ARHGAP10: variants seen among roughly 807,000 people sequenced by gnomAD.
The protein encoded by ARHGAP10 is Rho GTPase activating protein 10.
In ARHGAP10, 87 loss-of-function variants were observed where a neutral mutation model predicts 108.6. The ratio of observed to expected loss-of-function variants is 0.80; its 90% CI spans 0.67 to 0.96. ARHGAP10 has a LOEUF of 0.96. Ranked by LOEUF, ARHGAP10 falls within the 40% of genes least tolerant of loss-of-function variation. ARHGAP10 has a pLI of 0.00. For missense variants in ARHGAP10, 939 were observed against 954.5 expected, an observed-to-expected ratio of 0.98 and a Z score of 0.21; for synonymous variants, 347 against 341.1, an observed-to-expected ratio of 1.02 and a Z score of -0.19.
At chr4:147,758,150 C>T (rs1175222696) in intron 1 of ARHGAP10, among the ~76,000 whole-genome samples, 1 of 151,974 alleles carries the variant, frequency 6.6e-6, no homozygotes, top group Non-Finnish European at 1.5e-5. Flanking sequence ...ATAATCCTAG[C>T]TACTTGGGAG....
intron 1 of ARHGAP10, among the ~76,000 whole-genome samples, chr4:147,738,068 A>G (rs1331791269): frequency 6.6e-6 from 1 of 151,582 alleles, no homozygotes; most frequent in African/African-American, 2.4e-5. Flanking sequence ...CTTTTGGATA[A>G]AGAATACAGA....
chr4:147,781,681 C>CTTTTTTTTTTTTTTTTTTTTTTTTT (rs56781517), intron 1 of ARHGAP10, among the ~76,000 whole-genome samples: 1 of 130,584 alleles, frequency 7.7e-6, no homozygotes, highest in African/African-American at 2.9e-5. Flanking sequence ...CTTTTCTTTT[C>CTTTTTTTTTTTTTTTTTTTTTTTTT]TTTTTTTTTT....
At position 147,867,715 on chromosome 4, in the gene ARHGAP10, T is replaced by G. The variant is rs566722075; in HGVS notation, c.702+899T>G. 1.1e-4 allele frequency among the ~76,000 whole-genome samples: 17 copies of G among 151,950 alleles called. No homozygotes were observed. In the South Asian group the frequency reaches 3.3e-3, roughly 30 times the overall value. ...CCTGTCTCCACTAAAAATACAAACA[T>G]TAGCTGGGTGTGGTGGAGTGCGCCT... On this transcript the variant is annotated intron_variant, in intron 7 of 22. Transcript: ENST00000336498.
intron 18 of ARHGAP10, among the ~76,000 whole-genome samples, chr4:147,995,594 GA>G (rs1311197426): frequency 3.3e-5 from 5 of 152,194 alleles, no homozygotes; most frequent in Admixed American, 3.3e-4. Flanking sequence ...AGTAAAGACA[GA>G]TTTGTCAGCC....
intron 16 of ARHGAP10, among the ~76,000 whole-genome samples, chr4:147,960,919 T>C (rs1738966634): frequency 6.6e-6 from 1 of 152,244 alleles, no homozygotes; most frequent in Non-Finnish European, 1.5e-5. Context: ...TGCATTCTGT[T>C]TGAAGAAGCC....
At chr4:147,994,913 A>C (rs1234372687) in intron 18 of ARHGAP10, among the ~76,000 whole-genome samples, 4 of 152,368 alleles carry the variant, frequency 2.6e-5, no homozygotes, top group African/African-American at 9.6e-5. Context: ...TGTGCTAATA[A>C]GCACAGAGTA....
intron 20 of ARHGAP10, among the ~76,000 whole-genome samples, chr4:148,057,662 C>T (rs929529626): frequency 2.0e-5 from 3 of 152,244 alleles, no homozygotes; most frequent in Non-Finnish European, 4.4e-5. Flanking sequence ...CAGATGCTGC[C>T]TCCTCCAGGA....
intron 18 of ARHGAP10, among the ~76,000 whole-genome samples, chr4:148,016,770 G>A (rs533444158): frequency 2.1e-4 from 32 of 152,166 alleles, no homozygotes; most frequent in African/African-American, 7.5e-4. Context: ...TCGCAGGTCC[G>A]GGCCTCCAGA....
At chr4:147,809,995 C>T (rs1731952659) in intron 1 of ARHGAP10, among the ~76,000 whole-genome samples, 1 of 152,194 alleles carries the variant, frequency 6.6e-6, no homozygotes. Flanking sequence ...CTATTAACAA[C>T]TGTCATTCTA....
intron 1 of ARHGAP10, among the ~76,000 whole-genome samples, chr4:147,752,655 G>C (rs1428275302): frequency 6.6e-6 from 1 of 151,958 alleles, no homozygotes; most frequent in African/African-American, 2.4e-5. Flanking sequence ...AGCCTCCCGA[G>C]TAGCTGGAAT....
intron 1 of ARHGAP10, among the ~76,000 whole-genome samples, chr4:147,759,605 A>G (rs1729514512): frequency 6.9e-6 from 1 of 145,804 alleles, no homozygotes. Context: ...TAAAAAGGAA[A>G]CAGGTGACAT....
rs114050260 is a variant in ARHGAP10, at chr4:147,978,856, G to A, written c.1716+12017G>A. Among the ~76,000 whole-genome samples, 1,068 of 152,208 alleles carry A rather than the reference G, an allele frequency of 7.0e-3. 14 individuals are homozygous for A. The highest frequency in any genetic ancestry group is 0.024 in the African/African-American group (1,004 of 41,522). On this transcript the variant is annotated intron_variant, in intron 18 of 22. Coordinates refer to ENST00000336498, the MANE Select transcript of ARHGAP10 (RefSeq NM_024605.4). ...TCATATGTTTTTTGGCCATTTGTCC[G>A]TCTTCTTTTGAGATGTGTCTGTTCA... is the stretch of plus-strand genomic sequence containing the variant.
chr4:147,797,725 GC>G (rs1439616508), intron 1 of ARHGAP10, among the ~76,000 whole-genome samples: 1 of 152,106 alleles, frequency 6.6e-6, no homozygotes, highest in East Asian at 1.9e-4. Context: ...AACACGCCCG[GC>G]CCCCTCCCCA....
At chr4:148,019,565 C>T (rs1233318902) in intron 18 of ARHGAP10, among the ~76,000 whole-genome samples, 1 of 152,056 alleles carries the variant, frequency 6.6e-6, no homozygotes, top group Admixed American at 6.6e-5. Flanking sequence ...GCCTAACCAA[C>T]ATGGTGAAAC....
chr4:147,909,651 T>G (rs768969531), intron 11 of ARHGAP10, 81 bp from the exon 12 acceptor site: 75 of 1,168,682 alleles, frequency 6.4e-5, no homozygotes, highest in Non-Finnish European at 8.3e-5. Flanking sequence ...TATTTTTTTT[T>G]GTATGGTCCT....
At chr4:148,012,941 A>G (rs1276358492) in intron 18 of ARHGAP10, among the ~76,000 whole-genome samples, 1 of 127,352 alleles carries the variant, frequency 7.9e-6, no homozygotes, top group African/African-American at 3.4e-5. Context: ...TTTTTTTTTT[A>G]AACCTTCTTT....
Position 148,007,232 on chromosome 4 carries a change from G to T in ARHGAP10, c.1717-16031G>T, listed in dbSNP as rs192149408. ...TTACTATCTGACACGCTTTTCTTTC[G>T]GAAAGAGATAATCAGAATAAAAGGA... On this transcript the variant is annotated intron_variant, in intron 18 of 22. Coordinates refer to ENST00000336498, the MANE Select transcript of ARHGAP10 (RefSeq NM_024605.4). Among the ~76,000 whole-genome samples, 4 of 152,110 alleles carry T rather than the reference G, an allele frequency of 2.6e-5. No homozygotes were observed. In the East Asian group the frequency reaches 7.7e-4, roughly 29 times the overall value.
intron 18 of ARHGAP10, among the ~76,000 whole-genome samples, chr4:147,985,413 G>T (rs550844934): frequency 2.6e-5 from 4 of 152,260 alleles, no homozygotes; most frequent in African/African-American, 9.6e-5. Flanking sequence ...ACCCAGCAGG[G>T]ACACATGCAA....
At chr4:147,900,731 T>C (rs1736202969) in intron 10 of ARHGAP10, among the ~76,000 whole-genome samples, 1 of 152,152 alleles carries the variant, frequency 6.6e-6, no homozygotes, top group Admixed American at 6.5e-5. Context: ...ATGGAGTCAC[T>C]AGTGTTAGCT....
Sources: allele counts gnomAD v4.1 joint callset (sites outside exome capture counted in the v4.1 genomes callset), GRCh38; gene constraint gnomAD v4.1.1; transcripts MANE v1.5; gene names NCBI Gene and HGNC (gene_info 2026-07-23, HGNC 2026-07-21).